The following GPC6 variants were observed in gnomAD, a reference collection of about 807,000 sequenced individuals.
GPC6 encodes the protein glypican 6, also known as glypican-6.
GPC6 carries 14 observed loss-of-function variants against 55.2 expected under a neutral mutation model. The observed-to-expected ratio is 0.25, with a 90% CI of 0.17 to 0.40. The LOEUF (loss-of-function observed/expected upper bound fraction) is 0.40. Ranked by LOEUF, GPC6 falls within the 10% of genes least tolerant of loss-of-function variation. The probability of loss-of-function intolerance (pLI) is 1.00; values close to 1 mark genes in which losing one functional copy is unlikely to be tolerated. For synonymous variants in GPC6, 278 were observed against 259.6 expected (o/e 1.07, Z -0.68); for missense variants, 641 against 708.5 (o/e 0.90, Z 1.08).
chr13:94,112,748 C>G (rs1232233610), intron 4 of GPC6, among the ~76,000 whole-genome samples: 1 of 152,120 alleles, frequency 6.6e-6, no homozygotes, highest in Admixed American at 6.6e-5. Context: ...CTTTTTGGAG[C>G]TGACACTCTT....
intron 2 of GPC6, among the ~76,000 whole-genome samples, chr13:93,614,433 ATTACT>A (rs56956058): frequency 0.036 from 5,512 of 152,192 alleles, 334 homozygotes; most frequent in African/African-American, 0.13. Flanking sequence ...GGAAGGGCAA[ATTACT>A]TTACTTCTAT....
chr13:93,537,806 ATAGT>A (rs1411413876), intron 1 of GPC6, among the ~76,000 whole-genome samples: 23 of 152,268 alleles, frequency 1.5e-4, no homozygotes, highest in East Asian at 7.7e-4. Context: ...CTCACTTCAC[ATAGT>A]TAGTAAGTGG....
At chr13:94,372,003 C>T (rs1044226314) in intron 6 of GPC6, among the ~76,000 whole-genome samples, 1 of 152,106 alleles carries the variant, frequency 6.6e-6, no homozygotes, top group Non-Finnish European at 1.5e-5. Flanking sequence ...AGCTGGGTCC[C>T]TACCTCCAAA....
intron 4 of GPC6, among the ~76,000 whole-genome samples, chr13:94,047,437 C>T (rs1305210684): frequency 2.0e-5 from 3 of 151,786 alleles, no homozygotes; most frequent in Non-Finnish European, 4.4e-5. Context: ...GTTTTCATTC[C>T]CAGAAAGGGT....
chr13:93,712,015 C>T (rs1053370632), intron 2 of GPC6, among the ~76,000 whole-genome samples: 1 of 151,648 alleles, frequency 6.6e-6, no homozygotes, highest in Non-Finnish European at 1.5e-5. Context: ...TGCATGCTAC[C>T]TCCCTCACTC....
chr13:94,053,669 C>T (rs1165060169), intron 4 of GPC6, among the ~76,000 whole-genome samples: 2 of 152,140 alleles, frequency 1.3e-5, no homozygotes, highest in Non-Finnish European at 2.9e-5. Flanking sequence ...ATGATAAGCT[C>T]ATCCCATCTA....
At chr13:94,137,884 C>T (rs1887242510) in intron 4 of GPC6, among the ~76,000 whole-genome samples, 1 of 152,114 alleles carries the variant, frequency 6.6e-6, no homozygotes, top group South Asian at 2.1e-4. Context: ...ATCTGATAAA[C>T]TTAGGATAGG....
intron 6 of GPC6, among the ~76,000 whole-genome samples, chr13:94,328,646 A>G (rs150378746): frequency 8.2e-4 from 125 of 152,350 alleles, no homozygotes; most frequent in African/African-American, 2.8e-3. Context: ...TCTTTCTAGG[A>G]AGCAATTGTA....
chr13:93,219,987 C>A, the GPC6 span, among the ~76,000 whole-genome samples: 1 of 152,138 alleles, frequency 6.6e-6, no homozygotes, highest in Non-Finnish European at 1.5e-5. Context: ...AAAACAGTTA[C>A]AAGAGCAGAG....
At chr13:93,300,373 G>C (rs967962870) in intron 1 of GPC6, among the ~76,000 whole-genome samples, 1 of 152,170 alleles carries the variant, frequency 6.6e-6, no homozygotes, top group Non-Finnish European at 1.5e-5. Flanking sequence ...AGGAGGCTGG[G>C]CACGGTGGCT....
At chr13:93,410,933 T>C (rs1484140157) in intron 1 of GPC6, among the ~76,000 whole-genome samples, 1 of 152,160 alleles carries the variant, frequency 6.6e-6, no homozygotes, top group East Asian at 1.9e-4. Context: ...GCTATGGAAA[T>C]TTTATCCAGC....
rs975512989 is a variant in GPC6 at position 94,078,397 on chromosome 13, C to T, written c.877+50503C>T. On this transcript the variant is annotated intron_variant, in intron 4 of 8. Coordinates refer to ENST00000377047, the MANE Select transcript of GPC6 (RefSeq NM_005708.5). The stretch of plus-strand genomic sequence containing the variant: ...CCCAAAGTTAGCAGAAGGAAGGACA[C>T]AATAAAGATTAGCGTAGAAATAAAC... Among the ~76,000 whole-genome samples, 3 of 151,428 alleles carry T rather than the reference C, an allele frequency of 2.0e-5. No homozygotes were observed. The East Asian group carries it at 5.8e-4, about 29-fold the overall frequency.
intron 1 of GPC6, among the ~76,000 whole-genome samples, chr13:93,464,109 C>T (rs770607219): frequency 6.6e-6 from 1 of 152,066 alleles, no homozygotes; most frequent in Non-Finnish European, 1.5e-5. Context: ...TTTAGAAATA[C>T]TTTATTGCTA....
intron 2 of GPC6, among the ~76,000 whole-genome samples, chr13:93,656,701 G>T (rs960799006): frequency 2.6e-5 from 4 of 152,012 alleles, no homozygotes; most frequent in Non-Finnish European, 5.9e-5. Flanking sequence ...TAAGCTCCTA[G>T]TGAGATGGGT....
chr13:94,279,549 A>G (rs1446140658), intron 4 of GPC6, among the ~76,000 whole-genome samples: 1 of 152,050 alleles, frequency 6.6e-6, no homozygotes, highest in Non-Finnish European at 1.5e-5. Flanking sequence ...TATCGATCTG[A>G]GATCTTTCTA....
intron 1 of GPC6, among the ~76,000 whole-genome samples, chr13:93,261,631 C>G (rs546218475): frequency 5.9e-5 from 9 of 152,174 alleles, no homozygotes; most frequent in Non-Finnish European, 1.2e-4. Context: ...GAGTGTAAAT[C>G]CAGCACTCCA....
At chr13:93,546,180 T>C (rs887554518) in intron 2 of GPC6, among the ~76,000 whole-genome samples, 6 of 152,204 alleles carry the variant, frequency 3.9e-5, no homozygotes, top group African/African-American at 1.4e-4. Context: ...TACCTTACCA[T>C]GATTTCTTGT....
intron 2 of GPC6, among the ~76,000 whole-genome samples, chr13:93,562,373 A>G (rs1470422716): frequency 2.6e-5 from 4 of 152,174 alleles, no homozygotes; most frequent in African/African-American, 9.6e-5. Flanking sequence ...AGCAATTTCA[A>G]TACACATTTG....
chr13:94,097,761 A>G lies in GPC6; in HGVS notation c.877+69867A>G, dbSNP rs535247566. On this transcript the variant is annotated intron_variant, in intron 4 of 8. Coordinates refer to ENST00000377047, the MANE Select transcript of GPC6 (RefSeq NM_005708.5). The stretch of plus-strand genomic sequence containing the variant: ...GTTATAAATCATGTTATTGATTAAC[A>G]TATTATCAGTTATCCTTTCCCCCAG... Among the ~76,000 whole-genome samples the G allele has an allele frequency of 1.1e-4, 17 of 152,302 alleles. No homozygotes were observed. The South Asian group carries it at 3.3e-3, about 30-fold the overall frequency.
Sources: gnomAD v4.1 joint callset for allele counts (sites outside exome capture counted in the v4.1 genomes callset) on GRCh38, gnomAD v4.1.1 for gene constraint, MANE v1.5 for transcripts, NCBI Gene and HGNC (gene_info 2026-07-23, HGNC 2026-07-21) for gene names.